Variants in PLCXD3 observed in about 807,000 individuals in gnomAD.
PLCXD3 encodes the protein phosphatidylinositol specific phospholipase C X domain containing 3.
A neutral mutation model predicts 25.5 loss-of-function variants in PLCXD3; 19 were observed. That is an observed-to-expected ratio of 0.75 (90% confidence interval 0.52 to 1.09). The LOEUF is 1.09. Among genes scored for constraint, PLCXD3 ranks in the 50% least tolerant of loss-of-function variants. The pLI is 0.00. For synonymous variants in PLCXD3, 174 were observed against 137.6 expected, an observed-to-expected ratio of 1.26 and a Z score of -1.85; for missense variants, 411 against 388.1, an observed-to-expected ratio of 1.06 and a Z score of -0.50.
chr5:41,434,469 C>CA (rs1205978992), intron 1 of PLCXD3, among the ~76,000 whole-genome samples: 1 of 152,138 alleles, frequency 6.6e-6, no homozygotes, highest in Non-Finnish European at 1.5e-5. Flanking sequence ...CATGGAGCTC[C>CA]ACTTGGTGAC....
At position 41,501,760 on chromosome 5, in the gene PLCXD3, G is replaced by A. The variant is rs549137168; in HGVS notation, c.103+8664C>T. Among the ~76,000 whole-genome samples the A allele has an allele frequency of 2.3e-3, 351 of 152,196 alleles. 1 individual carries two copies. Among genetic ancestry groups the A allele is most frequent in the African/African-American group, 8.3e-3 (343 of 41,536 alleles). On this transcript the variant is annotated intron_variant, in intron 1 of 2. Coordinates refer to ENST00000377801, the MANE Select transcript of PLCXD3 (RefSeq NM_001005473.3). Reference sequence around the variant, plus strand: ...AAGCCAAAGGAAGAACATGTTTCACGAAGAGAGGTGTGGCGAACCACATCA... The same window carrying A: ...AAGCCAAAGGAAGAACATGTTTCACAAAGAGAGGTGTGGCGAACCACATCA...
chr5:41,475,567 T>A, intron 1 of PLCXD3: 1 of 527,004 alleles, frequency 1.9e-6, no homozygotes, highest in Non-Finnish European at 3.9e-6. Flanking sequence ...TCCCTACTTA[T>A]CTCTGTTTAT....
rs918365851 is a variant in PLCXD3 at position 41,438,178 on chromosome 5, G to A, written c.104-55644C>T. On this transcript the variant is annotated intron_variant, in intron 1 of 2. Coordinates refer to ENST00000377801, the MANE Select transcript of PLCXD3 (RefSeq NM_001005473.3). ...ACTGCCACCAACTTAGAACAGCCCCGACAGACTTATGTGAGAAGAAAATTA... is the reference window on the plus strand; with the variant it reads ...ACTGCCACCAACTTAGAACAGCCCCAACAGACTTATGTGAGAAGAAAATTA... Among the ~76,000 whole-genome samples, 5 of 152,260 alleles carry A rather than the reference G, an allele frequency of 3.3e-5. No individual in the cohort carries two copies. In the East Asian group the frequency reaches 5.8e-4, roughly 18 times the overall value.
At position 41,454,339 on chromosome 5, in the gene PLCXD3, G is replaced by A. The variant is rs531855143; in HGVS notation, c.103+56085C>T. Among the ~76,000 whole-genome samples the A allele has an allele frequency of 1.7e-4, 26 of 151,922 alleles. 1 individual carries two copies. Among genetic ancestry groups the A allele is most frequent in the Admixed American group, 3.9e-4 (6 of 15,230 alleles). On this transcript the variant is annotated intron_variant, in intron 1 of 2. Transcript: ENST00000377801. The stretch of plus-strand genomic sequence containing the variant: ...GGAATTTATTTTTCATAGTTCTTGA[G>A]GCTGGGTTGCCTAAGATCTAAGTGC...
intron 1 of PLCXD3, among the ~76,000 whole-genome samples, chr5:41,412,362 T>C (rs1196040857): frequency 6.6e-6 from 1 of 152,254 alleles, no homozygotes; most frequent in African/African-American, 2.4e-5. Flanking sequence ...GTTATCTCTT[T>C]TATTAATTAT....
intron 1 of PLCXD3, among the ~76,000 whole-genome samples, chr5:41,470,137 T>C (rs1277964817): frequency 6.6e-6 from 1 of 152,168 alleles, no homozygotes; most frequent in African/African-American, 2.4e-5. Flanking sequence ...AGATTAAATA[T>C]GCATGTTTAT....
At chr5:41,330,027 TA>T (rs1743748917) in intron 2 of PLCXD3, among the ~76,000 whole-genome samples, 1 of 151,988 alleles carries the variant, frequency 6.6e-6, no homozygotes, top group African/African-American at 2.4e-5. Flanking sequence ...TTGTGGATAA[TA>T]AAAAATTTGT....
intron 2 of PLCXD3, among the ~76,000 whole-genome samples, chr5:41,331,830 A>C (rs320612): frequency 0.085 from 12,865 of 152,130 alleles, 829 homozygotes; most frequent in East Asian, 0.35. Context: ...CTGAGAAAAA[A>C]AAGCAATGGG....
At chr5:41,314,890 G>A (rs1207442066) in intron 2 of PLCXD3, among the ~76,000 whole-genome samples, 1 of 152,168 alleles carries the variant, frequency 6.6e-6, no homozygotes, top group Non-Finnish European at 1.5e-5. Context: ...TGAGATCATA[G>A]TGGAGAGTCA....
At chr5:41,340,620 A>G (rs10462017) in intron 2 of PLCXD3, among the ~76,000 whole-genome samples, 12,488 of 152,154 alleles carry the variant, frequency 0.082, 809 homozygotes, top group East Asian at 0.35. Flanking sequence ...CACCTTTACC[A>G]ACACTGACCC....
intron 2 of PLCXD3, among the ~76,000 whole-genome samples, chr5:41,318,964 A>G (rs568332983): frequency 3.9e-5 from 6 of 152,352 alleles, no homozygotes; most frequent in African/African-American, 1.4e-4. Context: ...AGGAGTTGCT[A>G]TACTTATATC....
At chr5:41,496,837 G>T (rs537463973) in intron 1 of PLCXD3, among the ~76,000 whole-genome samples, 2 of 151,694 alleles carry the variant, frequency 1.3e-5, no homozygotes, top group African/African-American at 4.8e-5. Flanking sequence ...TTCAATTCAG[G>T]TATAAGAGTT....
At chr5:41,477,243 G>A (rs1748302027) in intron 1 of PLCXD3, among the ~76,000 whole-genome samples, 1 of 152,078 alleles carries the variant, frequency 6.6e-6, no homozygotes, top group Admixed American at 6.6e-5. Context: ...CTTACTACTA[G>A]TAGTCATTGT....
intron 1 of PLCXD3, among the ~76,000 whole-genome samples, chr5:41,488,356 C>T (rs1470873140): frequency 1.5e-5 from 2 of 131,822 alleles, no homozygotes; most frequent in South Asian, 2.8e-4. Flanking sequence ...GGTTCCAAGT[C>T]TTTGCTATTG....
chr5:41,410,294 C>G (rs1457022349), intron 1 of PLCXD3, among the ~76,000 whole-genome samples: 2 of 151,850 alleles, frequency 1.3e-5, no homozygotes, highest in Admixed American at 6.6e-5. Flanking sequence ...CGTGCGCCCC[C>G]ACGCCTGGCT....
chr5:41,411,407 G>T (rs1220285163), intron 1 of PLCXD3, among the ~76,000 whole-genome samples: 1 of 152,120 alleles, frequency 6.6e-6, no homozygotes, highest in Non-Finnish European at 1.5e-5. Flanking sequence ...AGTGTTTGAG[G>T]GTTGGGGATT....
intron 2 of PLCXD3, among the ~76,000 whole-genome samples, chr5:41,323,266 T>C (rs1202549007): frequency 2.0e-5 from 3 of 151,742 alleles, no homozygotes; most frequent in Non-Finnish European, 2.9e-5. Flanking sequence ...TTAAAAAGTA[T>C]AAAAAAAAGT....
intron 2 of PLCXD3, among the ~76,000 whole-genome samples, chr5:41,380,720 T>C (rs1300051759): frequency 6.6e-6 from 1 of 152,162 alleles, no homozygotes; most frequent in Non-Finnish European, 1.5e-5. Flanking sequence ...AAAACATTCA[T>C]GCTGTGTCTC....
At chr5:41,479,823 C>A (rs761187265) in intron 1 of PLCXD3, among the ~76,000 whole-genome samples, 58 of 151,730 alleles carry the variant, frequency 3.8e-4, no homozygotes, top group Admixed American at 1.1e-3. Flanking sequence ...GAGGCAAATT[C>A]TATATTTTAG....
Sources: allele counts gnomAD v4.1 joint callset (sites outside exome capture counted in the v4.1 genomes callset), GRCh38; gene constraint gnomAD v4.1.1; transcripts MANE v1.5; gene names NCBI Gene and HGNC (gene_info 2026-07-23, HGNC 2026-07-21).